WDFY4: variants seen among roughly 807,000 people sequenced by gnomAD.
WDFY4 encodes WDFY family member 4, also known as WD repeat- and FYVE domain-containing protein 4.
WDFY4 carries 169 observed loss-of-function variants against 351.9 expected under a neutral mutation model. That is an observed-to-expected ratio of 0.48 (90% CI 0.42 to 0.55). WDFY4 has a LOEUF of 0.55. Ranked by LOEUF, WDFY4 falls within the 20% of genes least tolerant of loss-of-function variation. The pLI, the probability that WDFY4 is intolerant of heterozygous loss-of-function variation, is 0.00. For synonymous variants in WDFY4, 1,622 were observed against 1,574.6 expected (o/e 1.03, Z -0.71); for missense variants, 3,803 against 3,935.6 (o/e 0.97, Z 0.90).
In WDFY4 at chr10:48,981,476, C is replaced by T. The variant is rs1459234929; in HGVS notation, c.9486C>T (p.Ser3162=). ...CCGCAGTGACTGCTCTGGCCGTGTC[C>T]AGGTAAGCGCGGCCTTGTTTCTCTG... ...TSPAVTALAV[S]RNHTKLLVGD... is the part of the protein sequence containing the mutation. The change falls in exon 61 of 62, where the codon TCC becomes TCT. Residue 3162 remains serine, a splice_region_variant and synonymous_variant. Coordinates refer to ENST00000325239, the MANE Select transcript of WDFY4 (RefSeq NM_001394531.1). 6.4e-7 allele frequency: 1 copy of T among 1,551,544 alleles called. No homozygotes were observed. The highest frequency in any genetic ancestry group is 2.4e-5 in the East Asian group (1 of 40,908).
At chr10:48,849,010 C>T (rs1040733747) in intron 39 of WDFY4, among the ~76,000 whole-genome samples, 32 of 152,134 alleles carry the variant, frequency 2.1e-4, no homozygotes, top group African/African-American at 7.2e-4. Flanking sequence ...TGGTATCTAC[C>T]TTGGCAGCAG....
At chr10:48,925,831 C>A (rs1839523833) in intron 47 of WDFY4, among the ~76,000 whole-genome samples, 1 of 152,204 alleles carries the variant, frequency 6.6e-6, no homozygotes, top group Non-Finnish European at 1.5e-5. Context: ...CTCTATCATT[C>A]ACTCATGGTA....
At position 48,709,907 on chromosome 10, in the gene WDFY4, C is replaced by T; in HGVS notation, c.175C>T (p.His59Tyr). 6.4e-7 allele frequency: 1 copy of T among 1,552,196 alleles called. No homozygotes were observed. Among genetic ancestry groups the T allele is most frequent in the Non-Finnish European group, 8.7e-7 (1 of 1,147,118 alleles). The change falls in exon 2 of 62, where the codon CAC (histidine) becomes TAC (tyrosine). Residue 59 changes from histidine (H) to tyrosine (Y), a missense_variant. By Grantham distance (83) the His-to-Tyr change is moderately conservative. Around this residue, in one of 3 missense-constraint regions of WDFY4, gnomAD observed 488 missense variants for 456.8 expected, o/e 1.07. Transcript: ENST00000325239. ...GTTTCTGGAATACCAGCAGTTGACT[C>T]ACAAGAGCCCCATTGAGCGTCAGAA... Reference protein sequence around the residue: ...RKFLEYQQLTHKSPIERQKSL... With the variant: ...RKFLEYQQLTYKSPIERQKSL...
At chr10:48,900,445 C>A (rs181184125) in intron 46 of WDFY4, 139 bp downstream of exon 46, 6 of 717,132 alleles carry the variant, frequency 8.4e-6, no homozygotes, top group Non-Finnish European at 1.4e-5. Context: ...CAGGGAGGCA[C>A]TGCTGGCCTG....
At chr10:48,710,387 G>C (rs563963948) in intron 2 of WDFY4, among the ~76,000 whole-genome samples, 8 of 152,256 alleles carry the variant, frequency 5.3e-5, no homozygotes, top group Admixed American at 3.9e-4. Flanking sequence ...CATTACCTTA[G>C]AGATTAAAAT....
At chr10:48,702,817 A>G (rs1448334586) in intron 1 of WDFY4, among the ~76,000 whole-genome samples, 1 of 152,172 alleles carries the variant, frequency 6.6e-6, no homozygotes, top group African/African-American at 2.4e-5. Context: ...TTCCTTCCAA[A>G]GTGGCAGTGC....
At chr10:48,703,948 A>G (rs1211660132) in intron 1 of WDFY4, among the ~76,000 whole-genome samples, 1 of 151,722 alleles carries the variant, frequency 6.6e-6, no homozygotes, top group Non-Finnish European at 1.5e-5. Context: ...ATGCATGGCC[A>G]CTCCCAGCAC....
chr10:48,738,445 C>A (rs149061385), intron 11 of WDFY4, among the ~76,000 whole-genome samples: 88 of 152,334 alleles, frequency 5.8e-4, no homozygotes, highest in African/African-American at 2.1e-3. Flanking sequence ...TTAATGAAGT[C>A]ATAGCCTGCA....
chr10:48,882,395 G>A (rs1002831344), intron 43 of WDFY4, among the ~76,000 whole-genome samples: 18 of 152,206 alleles, frequency 1.2e-4, no homozygotes, highest in African/African-American at 3.1e-4. Context: ...TTAGCAAAAT[G>A]TCAACAGCTA....
rs1323446861 is a variant in WDFY4 at position 48,900,330 on chromosome 10, C to T, written c.7523+24C>T. On this transcript the variant is annotated intron_variant, in intron 46 of 61. Transcript: ENST00000325239. Reference sequence around the variant, plus strand: ...AGGTAAGAGCTTGAAAATCCTCCTTCTGAGGAAACTGATCCTGAACTGAGA... The same window carrying T: ...AGGTAAGAGCTTGAAAATCCTCCTTTTGAGGAAACTGATCCTGAACTGAGA... 1.0e-5 allele frequency: 16 copies of T among 1,526,168 alleles called. No individual in the cohort carries two copies. In the East Asian group the frequency reaches 3.4e-4, roughly 33 times the overall value. 94.5% of individuals were successfully genotyped at this position (1,526,168 alleles called of 1,614,324 possible).
chr10:48,759,914 G>T (rs2065449603), intron 12 of WDFY4, among the ~76,000 whole-genome samples: 1 of 151,992 alleles, frequency 6.6e-6, no homozygotes, highest in Non-Finnish European at 1.5e-5. Flanking sequence ...GTTGCATTCG[G>T]TATTCAGGGG....
At chr10:48,707,323 A>G (rs927754582) in intron 1 of WDFY4, among the ~76,000 whole-genome samples, 1 of 152,126 alleles carries the variant, frequency 6.6e-6, no homozygotes, top group Non-Finnish European at 1.5e-5. Flanking sequence ...TGTGGGGGAG[A>G]TGGCCTGATG....
At chr10:48,907,024 G>A (rs921800342) in intron 47 of WDFY4, among the ~76,000 whole-genome samples, 1 of 152,070 alleles carries the variant, frequency 6.6e-6, no homozygotes, top group South Asian at 2.1e-4. Flanking sequence ...GGGTACCAAA[G>A]GTGGCAATTC....
At position 48,725,975 on chromosome 10, in the gene WDFY4, G is replaced by A. The variant is rs34731704; in HGVS notation, c.686G>A (p.Arg229Gln). Residue 229 changes from arginine to glutamine, a missense_variant, in exon 6 of 62, where the codon CGG (arginine) becomes CAG (glutamine). By Grantham distance (43) the Arg-to-Gln change is conservative (BLOSUM62 1). This residue lies in a region of WDFY4 where 488 missense variants were observed against 456.8 expected (regional missense o/e 1.07). Transcript: ENST00000325239. ...CTGCTGATTGCCACGACCTGCCTTC[G>A]GGAGCACAGCTGCTGCTTCTGGAAG... ...QSLLIATTCL[R>Q]EHSCCFWKEP... 12,791 of 1,551,718 alleles carry A rather than the reference G, an allele frequency of 8.2e-3. 55 individuals carry two copies. Among genetic ancestry groups the A allele is most frequent in the Non-Finnish European group, 9.9e-3 (11,361 of 1,146,998 alleles).
At chr10:48,743,698 C>A in intron 12 of WDFY4, 150 bp downstream of exon 12, 3 of 931,482 alleles carry the variant, frequency 3.2e-6, no homozygotes, top group Non-Finnish European at 4.7e-6. Flanking sequence ...ATCAAGTTAG[C>A]TCTGACTCCA....
intron 48 of WDFY4, 111 bp downstream of exon 48, chr10:48,941,959 T>C (rs1564515798): frequency 1.0e-6 from 1 of 1,002,142 alleles, no homozygotes; most frequent in Non-Finnish European, 1.4e-6. Flanking sequence ...GATCTTATTA[T>C]TTATTATTAT....
chr10:48,818,000 G>A (rs79019647), intron 32 of WDFY4, among the ~76,000 whole-genome samples: 3,124 of 152,322 alleles, frequency 0.021, 119 homozygotes, highest in African/African-American at 0.071. Flanking sequence ...CTCCAGCTAG[G>A]CCCAGCAGGT....
chr10:48,721,195 C>T, intron 3 of WDFY4, 66 bp from the exon 4 acceptor site: 1 of 1,449,086 alleles, frequency 6.9e-7, no homozygotes, highest in Non-Finnish European at 9.5e-7. Context: ...GAAGAGGGGG[C>T]CCTGGATGGA....
rs770107374 is a variant in WDFY4, at chr10:48,743,016, G to A, written c.1927G>A (p.Val643Ile). The A allele has an allele frequency of 6.4e-7, 1 of 1,551,332 alleles. No homozygotes were observed. Among genetic ancestry groups the A allele is most frequent in the South Asian group, 1.2e-5 (1 of 84,064 alleles). ...VTPKGRAAFR[V>I]SSGFNGLLSL... ...CCCCAAGGGTCGTGCTGCCTTCAGA[G>A]TCTCCAGCGGGTTCAACGGGCTGCT... Residue 643 changes from valine (V) to isoleucine (I), a missense_variant, in exon 12 of 62, where the codon GTC (valine) becomes ATC (isoleucine). Val to Ile is a conservative substitution (Grantham distance 29). Around this residue, in one of 3 missense-constraint regions of WDFY4, gnomAD observed 261 missense variants for 330.2 expected, o/e 0.79. Transcript: ENST00000325239.
Sources: gnomAD v4.1 joint callset for allele counts (sites outside exome capture counted in the v4.1 genomes callset) on GRCh38, gnomAD v4.1.1 for gene constraint, gnomAD v4.1.1 regional missense constraint, MANE v1.5 for transcripts, NCBI Gene and HGNC (gene_info 2026-07-23, HGNC 2026-07-21) for gene names.